Variants in ST3GAL3 observed in about 807,000 individuals in gnomAD.
ST3GAL3 encodes the protein ST3 beta-galactoside alpha-2,3-sialyltransferase 3.
A neutral mutation model predicts 50.1 loss-of-function variants in ST3GAL3; 21 were observed. The ratio of observed to expected loss-of-function variants is 0.42; its 90% CI spans 0.30 to 0.60. ST3GAL3 has a LOEUF of 0.60. Ranked by LOEUF, ST3GAL3 falls within the 20% of genes least tolerant of loss-of-function variation. The pLI, the probability that ST3GAL3 is intolerant of heterozygous loss-of-function variation, is 0.19. For synonymous variants in ST3GAL3, 183 were observed against 190.0 expected (o/e 0.96, Z 0.30); for missense variants, 353 against 489.4 (o/e 0.72, Z 2.63).
rs2063726197 is a variant in ST3GAL3 at position 43,832,833 on chromosome 1, G to GCATC, written c.210-5384_210-5381dup. Among the ~76,000 whole-genome samples, 5 of 152,272 alleles carry GCATC rather than the reference G, an allele frequency of 3.3e-5. No individual in the cohort carries two copies. The South Asian group carries it at 1.0e-3, about 32-fold the overall frequency. ...ACAACTCTCTAGTACTTGGAGAAAG[G>GCATC]CATCCTCATGAGGAAGGTAGAAGAT... On this transcript the variant is annotated intron_variant, in intron 4 of 11. Coordinates refer to ENST00000347631, the MANE Select transcript of ST3GAL3 (RefSeq NM_006279.5).
intron 4 of ST3GAL3, among the ~76,000 whole-genome samples, chr1:43,826,298 A>C (rs931129637): frequency 6.6e-6 from 1 of 152,004 alleles, no homozygotes; most frequent in Non-Finnish European, 1.5e-5. Flanking sequence ...ATTGTGAACA[A>C]CTCTGTACTC....
chr1:43,924,251 G>A (rs7543521), intron 11 of ST3GAL3, among the ~76,000 whole-genome samples: 7,636 of 152,126 alleles, frequency 0.05, 618 homozygotes, highest in African/African-American at 0.17. Flanking sequence ...CACCATCACC[G>A]TGGCCCCGAA....
chr1:43,835,787 G>A (rs532957067), intron 4 of ST3GAL3, among the ~76,000 whole-genome samples: 1 of 152,194 alleles, frequency 6.6e-6, no homozygotes, highest in African/African-American at 2.4e-5. Flanking sequence ...AATTCAGAAA[G>A]ACCACAGGAA....
chr1:43,905,465 C>T (rs919337116), intron 9 of ST3GAL3, among the ~76,000 whole-genome samples: 56 of 128,736 alleles, frequency 4.3e-4, no homozygotes, highest in Non-Finnish European at 7.1e-4. Context: ...ACTGTTCCTC[C>T]CCCTCCTCCT....
rs985529162 is a variant in ST3GAL3, at chr1:43,850,363, G to T, written c.302+12052G>T. 10 of 558,922 alleles carry T rather than the reference G, an allele frequency of 1.8e-5. No homozygotes were observed. The African/African-American group carries it at 1.9e-4, about 11-fold the overall frequency. 34.6% of individuals were successfully genotyped at this position (558,922 alleles called of 1,614,324 possible). A position where few individuals can be genotyped will look rare whatever the true frequency, so the allele number is the denominator to read the frequency against. ...CTCTCAACCTCCTCCTGGAGAGCCT[G>T]CACACACCCCTGGTATTTATGCCCT... On this transcript the variant is annotated intron_variant, in intron 5 of 11. Coordinates refer to ENST00000347631, the MANE Select transcript of ST3GAL3 (RefSeq NM_006279.5).
chr1:43,847,504 C>T (rs1553383892), intron 5 of ST3GAL3, among the ~76,000 whole-genome samples: 1 of 152,108 alleles, frequency 6.6e-6, no homozygotes, highest in Non-Finnish European at 1.5e-5. Context: ...ACCTCGAGGA[C>T]ATTATGCTAA....
chr1:43,735,813 T>A (rs1178478599), intron 1 of ST3GAL3, among the ~76,000 whole-genome samples: 2 of 152,242 alleles, frequency 1.3e-5, no homozygotes, highest in Non-Finnish European at 2.9e-5. Context: ...ATTGTCAGAT[T>A]TTGTGTTATT....
chr1:43,726,782 T>C (rs966292572), intron 1 of ST3GAL3, among the ~76,000 whole-genome samples: 5 of 152,026 alleles, frequency 3.3e-5, no homozygotes, highest in Admixed American at 1.3e-4. Flanking sequence ...TTTAGTAATA[T>C]GGGGTTTCCC....
intron 6 of ST3GAL3, among the ~76,000 whole-genome samples, chr1:43,895,414 T>C (rs2077252760): frequency 1.3e-5 from 2 of 152,178 alleles, no homozygotes; most frequent in South Asian, 4.1e-4. Context: ...CATGGCATGG[T>C]GGAAAATAAT....
chr1:43,713,172 G>A (rs1229635329), intron 1 of ST3GAL3, among the ~76,000 whole-genome samples: 1 of 152,182 alleles, frequency 6.6e-6, no homozygotes, highest in Non-Finnish European at 1.5e-5. Context: ...TGCAACATGT[G>A]AGCGGCATGT....
chr1:43,869,574 A>G (rs1164224985), intron 5 of ST3GAL3, among the ~76,000 whole-genome samples: 1 of 152,122 alleles, frequency 6.6e-6, no homozygotes, highest in Non-Finnish European at 1.5e-5. Flanking sequence ...CCTCACACCC[A>G]AAAGATGGTA....
At chr1:43,759,711 A>G (rs1371008060) in intron 2 of ST3GAL3, among the ~76,000 whole-genome samples, 2 of 152,246 alleles carry the variant, frequency 1.3e-5, no homozygotes, top group Admixed American at 6.5e-5. Context: ...CCTTAGCACA[A>G]GTCAAATCAG....
chr1:43,927,280 G>A (rs916821664), intron 11 of ST3GAL3, among the ~76,000 whole-genome samples: 3 of 152,122 alleles, frequency 2.0e-5, no homozygotes, highest in Admixed American at 6.6e-5. Context: ...AGCCAAGATC[G>A]CACCATTGCA....
At chr1:43,763,127 A>G (rs180792231) in intron 2 of ST3GAL3, among the ~76,000 whole-genome samples, 1 of 152,308 alleles carries the variant, frequency 6.6e-6, no homozygotes, top group East Asian at 1.9e-4. Context: ...AATAGCAAAA[A>G]TTTGGAAGCA....
At chr1:43,803,146 G>T (rs796789943) in intron 3 of ST3GAL3, among the ~76,000 whole-genome samples, 1 of 152,088 alleles carries the variant, frequency 6.6e-6, no homozygotes, top group Non-Finnish European at 1.5e-5. Flanking sequence ...GGCTGGTCTT[G>T]AACTCCTGAC....
Position 43,838,193 on chromosome 1 carries a change from C to T in ST3GAL3, c.210-26C>T, listed in dbSNP as rs763850147. The T allele has an allele frequency of 3.8e-6, 6 of 1,587,538 alleles. No homozygotes were observed. The East Asian group carries it at 1.4e-4, about 36-fold the overall frequency. ...CACTCAGTGCTCAGTGCCTGGCAAG[C>T]TGTAACTTTCCTTCTCTTCCCATAG... is the stretch of plus-strand genomic sequence containing the variant. On this transcript the variant is annotated intron_variant, in intron 4 of 11. Transcript: ENST00000347631.
intron 2 of ST3GAL3, among the ~76,000 whole-genome samples, chr1:43,790,270 A>G (rs1444267860): frequency 6.6e-6 from 1 of 152,228 alleles, no homozygotes; most frequent in East Asian, 1.9e-4. Flanking sequence ...ACAACCTAGC[A>G]GTGGGAACAG....
intron 4 of ST3GAL3, among the ~76,000 whole-genome samples, chr1:43,833,471 C>T (rs919144416): frequency 6.6e-6 from 1 of 152,100 alleles, no homozygotes; most frequent in Non-Finnish European, 1.5e-5. Flanking sequence ...TGAGCACCAG[C>T]GAGGGGCCAG....
intron 1 of ST3GAL3, among the ~76,000 whole-genome samples, chr1:43,717,825 T>C (rs1668129682): frequency 6.6e-6 from 1 of 152,020 alleles, no homozygotes. Context: ...TCTAATGATG[T>C]ATTTTACACA....
Sources: allele counts gnomAD v4.1 joint callset (sites outside exome capture counted in the v4.1 genomes callset), GRCh38; gene constraint gnomAD v4.1.1; transcripts MANE v1.5; gene names NCBI Gene and HGNC (gene_info 2026-07-23, HGNC 2026-07-21).